The following DSC3 variants were observed in gnomAD, a reference collection of about 807,000 sequenced individuals.
DSC3 encodes the protein desmocollin 3.
In DSC3, 97 loss-of-function variants were observed where a neutral mutation model predicts 89.5. That is an observed-to-expected ratio of 1.08 (90% CI 0.92 to 1.28). The LOEUF is 1.28. Among genes scored for constraint, DSC3 ranks in the 50% most tolerant of loss-of-function variants. The pLI is 0.00. For missense variants in DSC3, 1,199 were observed against 1,085.3 expected, an observed-to-expected ratio of 1.10 and a Z score of -1.47; for synonymous variants, 436 against 384.1, an observed-to-expected ratio of 1.14 and a Z score of -1.58.
chr18:31,006,512 C>G (rs946730799), intron 12 of DSC3, among the ~76,000 whole-genome samples: 6 of 152,014 alleles, frequency 3.9e-5, no homozygotes, highest in Non-Finnish European at 7.4e-5. Context: ...GTTGGCCAGG[C>G]TGGTCTTGAA....
rs1242541467 is a variant in DSC3, at chr18:30,989,957, T to TG, written c.*4217dup. ...AAATAAGTGTTATCAATGTTCATTGTGAAAAAATCAACACAGAAAGAATAA... is the reference window on the plus strand; with the variant it reads ...AAATAAGTGTTATCAATGTTCATTGTGGAAAAAATCAACACAGAAAGAATAA... On this transcript the variant is annotated 3_prime_UTR_variant, in exon 16 of 16. Transcript: ENST00000360428. 6.6e-6 allele frequency: 1 copy of TG among 152,298 alleles called. No homozygotes were observed. The highest frequency in any genetic ancestry group is 2.4e-5 in the African/African-American group (1 of 41,432). The allele number at this position is 152,298 out of a possible 1,614,324, so 9.4% of individuals were successfully genotyped here.
chr18:31,009,002 T>C (rs183048836), intron 9 of DSC3, among the ~76,000 whole-genome samples: 1 of 152,286 alleles, frequency 6.6e-6, no homozygotes, highest in Admixed American at 6.5e-5. Flanking sequence ...GGTGCAATGA[T>C]TTCATTTTCT....
Position 31,006,892 on chromosome 18 carries a change from T to C in DSC3, c.1888+15A>G, listed in dbSNP as rs368585955. The C allele has an allele frequency of 2.5e-6, 4 of 1,570,798 alleles. No homozygotes were observed. Among genetic ancestry groups the C allele is most frequent in the Middle Eastern group, 1.7e-4 (1 of 6,014 alleles). On this transcript the variant is annotated intron_variant, in intron 12 of 15. Coordinates refer to ENST00000360428, the MANE Select transcript of DSC3 (RefSeq NM_001941.5). ...TTATTTCAGAGTTTATAAATCATTA[T>C]TTTTTATTAAATACCATTAACTTTG...
chr18:31,035,210 C>G (rs1011853849), intron 1 of DSC3, among the ~76,000 whole-genome samples: 4 of 151,914 alleles, frequency 2.6e-5, no homozygotes, highest in African/African-American at 9.7e-5. Context: ...TATGTATATA[C>G]AAATATATAC....
intron 9 of DSC3, 67 bp downstream of exon 9, chr18:31,018,004 G>T: frequency 7.3e-7 from 1 of 1,360,596 alleles, no homozygotes; most frequent in Non-Finnish European, 1.0e-6. Flanking sequence ...AAACTATTTA[G>T]TTGATTAAAT....
intron 13 of DSC3, among the ~76,000 whole-genome samples, chr18:31,002,700 CA>C (rs78660458): frequency 0.037 from 3,205 of 86,992 alleles, 81 homozygotes; most frequent in African/African-American, 0.12. Context: ...AACTCTGCCT[CA>C]AAAAAAAAAA....
At chr18:31,042,233 G>T (rs2144749596) in intron 1 of DSC3, among the ~76,000 whole-genome samples, 1 of 152,192 alleles carries the variant, frequency 6.6e-6, no homozygotes, top group Non-Finnish European at 1.5e-5. Flanking sequence ...CCACCCAAAG[G>T]CGCCCTCCAA....
intron 9 of DSC3, among the ~76,000 whole-genome samples, chr18:31,013,232 G>A (rs1461552508): frequency 7.2e-6 from 1 of 139,614 alleles, no homozygotes; most frequent in Non-Finnish European, 1.5e-5. Flanking sequence ...TTATGACAAA[G>A]AAAATATGTC....
intron 5 of DSC3, 123 bp from the exon 6 acceptor site, chr18:31,024,616 C>A: frequency 9.4e-7 from 1 of 1,063,086 alleles, no homozygotes. Flanking sequence ...GTTTTTTTAT[C>A]CACTGTGTTT....
At position 31,008,478 on chromosome 18, in the gene DSC3, T is replaced by C; in HGVS notation, c.1311A>G (p.Val437=). Reference sequence around the variant, plus strand: ...CTCTAGCAAATGGCGCTTCATTGTTTACTCCAATTTCCAGGTTCACTTGAC... The same window carrying C: ...CTCTAGCAAATGGCGCTTCATTGTTCACTCCAATTTCCAGGTTCACTTGAC... The part of the protein sequence containing the change: ...ENRQVNLEIG[V]NNEAPFARDI... The change falls in exon 10 of 16, where the codon GTA becomes GTG. Residue 437 remains valine, a synonymous_variant. Transcript: ENST00000360428. 1.2e-6 allele frequency: 2 copies of C among 1,614,210 alleles called. No individual in the cohort carries two copies. Among genetic ancestry groups the C allele is most frequent in the South Asian group, 1.1e-5 (1 of 91,086 alleles).
At chr18:31,029,402 T>C in intron 4 of DSC3, 107 bp downstream of exon 4, 2 of 1,430,562 alleles carry the variant, frequency 1.4e-6, no homozygotes, top group Non-Finnish European at 9.7e-7. Flanking sequence ...CTCATGAACA[T>C]CTTTAATCAG....
chr18:31,004,405 T>C, intron 12 of DSC3, 39 bp from the exon 13 acceptor site: 1 of 1,567,216 alleles, frequency 6.4e-7, no homozygotes, highest in South Asian at 1.1e-5. Context: ...TTAATGATCA[T>C]TTATTCTTCC....
intron 9 of DSC3, among the ~76,000 whole-genome samples, chr18:31,009,907 C>T (rs1444535830): frequency 6.6e-6 from 1 of 152,214 alleles, no homozygotes; most frequent in Admixed American, 6.5e-5. Flanking sequence ...AATTGGCTCA[C>T]TGATCTCTAA....
chr18:31,007,264 AT>A, intron 11 of DSC3, 133 bp from the exon 12 acceptor site: 1 of 664,102 alleles, frequency 1.5e-6, no homozygotes, highest in Non-Finnish European at 2.6e-6. Context: ...TGATAAATAA[AT>A]AAGAACATAG....
intron 9 of DSC3, among the ~76,000 whole-genome samples, chr18:31,016,807 T>C (rs747280199): frequency 1.1e-4 from 16 of 152,206 alleles, no homozygotes; most frequent in Non-Finnish European, 2.4e-4. Context: ...GGGATAATTA[T>C]GAGGCAAGTT....
chr18:31,029,493 A>AAAGGTGTAAACCT lies in DSC3; in HGVS notation c.474+3_474+15dup, dbSNP rs1985707912. On this transcript the variant is annotated intron_variant, in intron 4 of 15. Transcript: ENST00000360428. ...TAGAATTAAAGCAACCCTGACCAGA[A>AAAGGTGTAAACCT]AAGGTGTAAACCTACTTGTTGAAGA... 4 of 1,613,632 alleles carry AAAGGTGTAAACCT rather than the reference A, an allele frequency of 2.5e-6. No individual in the cohort carries two copies. Among genetic ancestry groups the AAAGGTGTAAACCT allele is most frequent in the Non-Finnish European group, 3.4e-6 (4 of 1,179,566 alleles).
Position 31,026,085 on chromosome 18 carries a change from C to T in DSC3, c.475-170G>A, listed in dbSNP as rs2640846. Among the ~76,000 whole-genome samples the T allele has an allele frequency of 7.8e-3, 1,192 of 152,104 alleles. 20 individuals carry two copies. Among genetic ancestry groups the T allele is most frequent in the African/African-American group, 0.028 (1,152 of 41,508 alleles). Reference sequence around the variant, plus strand: ...AGAGTAAGGCAAACAGGGATTCTCACAGGAAGAAGGGAATCCCAATTGGAA... The same window carrying T: ...AGAGTAAGGCAAACAGGGATTCTCATAGGAAGAAGGGAATCCCAATTGGAA... On this transcript the variant is annotated intron_variant, in intron 4 of 15. Transcript: ENST00000360428.
At chr18:31,011,007 C>T (rs1218502671) in intron 9 of DSC3, among the ~76,000 whole-genome samples, 1 of 152,208 alleles carries the variant, frequency 6.6e-6, no homozygotes, top group East Asian at 1.9e-4. Flanking sequence ...ATTAGGGAGG[C>T]AGAAAGAAGT....
At chr18:31,017,368 T>G (rs889636422) in intron 9 of DSC3, among the ~76,000 whole-genome samples, 4 of 152,190 alleles carry the variant, frequency 2.6e-5, no homozygotes, top group African/African-American at 9.7e-5. Flanking sequence ...AGGACAATAT[T>G]AATTTTTGTT....
Sources: allele counts gnomAD v4.1 joint callset (sites outside exome capture counted in the v4.1 genomes callset), GRCh38; gene constraint gnomAD v4.1.1; transcripts MANE v1.5; gene names NCBI Gene and HGNC (gene_info 2026-07-23, HGNC 2026-07-21).